CNTNAP4: variants seen among roughly 807,000 people sequenced by gnomAD.
CNTNAP4 encodes contactin associated protein family member 4.
CNTNAP4 carries 98 observed loss-of-function variants against 148.4 expected under a neutral mutation model. That is an observed-to-expected ratio of 0.66 (90% CI 0.56 to 0.78). CNTNAP4 has a LOEUF of 0.78. Ranked by LOEUF, CNTNAP4 falls within the 30% of genes least tolerant of loss-of-function variation. The pLI is 0.00. For synonymous variants in CNTNAP4, 730 were observed against 565.1 expected (o/e 1.29, Z -4.14); for missense variants, 1,935 against 1,565.6 (o/e 1.24, Z -3.98).
chr16:76,340,165 A>G (rs1290828677), intron 2 of CNTNAP4, among the ~76,000 whole-genome samples: 1 of 152,126 alleles, frequency 6.6e-6, no homozygotes, highest in Non-Finnish European at 1.5e-5. Flanking sequence ...TACCAAAACA[A>G]CTCTGGAAAC....
At chr16:76,445,956 T>C (rs1254422826) in intron 4 of CNTNAP4, among the ~76,000 whole-genome samples, 1 of 152,228 alleles carries the variant, frequency 6.6e-6, no homozygotes, top group Non-Finnish European at 1.5e-5. Context: ...AGTTGTATTT[T>C]TCCCATGCGC....
At chr16:76,450,316 T>C (rs1285205123) in intron 7 of CNTNAP4, among the ~76,000 whole-genome samples, 1 of 152,056 alleles carries the variant, frequency 6.6e-6, no homozygotes, top group Admixed American at 6.6e-5. Flanking sequence ...ACCTGGCTAA[T>C]TTTTTGTATA....
intron 17 of CNTNAP4, among the ~76,000 whole-genome samples, chr16:76,523,295 A>C (rs2083569572): frequency 6.8e-6 from 1 of 147,948 alleles, no homozygotes; most frequent in South Asian, 2.2e-4. Flanking sequence ...AAAGAAAAGA[A>C]AACAAAACAG....
chr16:76,520,003 T>A (rs2083395759), intron 15 of CNTNAP4, among the ~76,000 whole-genome samples: 2 of 152,216 alleles, frequency 1.3e-5, no homozygotes, highest in Admixed American at 1.3e-4. Flanking sequence ...CATAACAAAC[T>A]GTTGTTTTGA....
intron 10 of CNTNAP4, among the ~76,000 whole-genome samples, chr16:76,470,275 G>T (rs2081316663): frequency 6.6e-6 from 1 of 151,840 alleles, no homozygotes; most frequent in South Asian, 2.1e-4. Flanking sequence ...TTAACATTTG[G>T]GGTGGTTAGT....
chr16:76,442,708 G>C (rs1196083276), intron 4 of CNTNAP4, among the ~76,000 whole-genome samples: 4 of 152,008 alleles, frequency 2.6e-5, no homozygotes, highest in Non-Finnish European at 5.9e-5. Flanking sequence ...TGAGAGAAGG[G>C]ATTCACTCAC....
At chr16:76,423,505 A>T (rs988633325) in intron 3 of CNTNAP4, among the ~76,000 whole-genome samples, 1 of 152,188 alleles carries the variant, frequency 6.6e-6, no homozygotes, top group Admixed American at 6.5e-5. Flanking sequence ...ATTATTTTTG[A>T]AAAAAGATAA....
intron 3 of CNTNAP4, among the ~76,000 whole-genome samples, chr16:76,360,364 T>C (rs1047886732): frequency 3.9e-5 from 6 of 152,206 alleles, no homozygotes; most frequent in Admixed American, 6.5e-5. Flanking sequence ...CACATGCATT[T>C]GTTTTAAGTC....
At chr16:76,487,175 C>T (rs753963563) in intron 12 of CNTNAP4, among the ~76,000 whole-genome samples, 21 of 152,242 alleles carry the variant, frequency 1.4e-4, no homozygotes, top group East Asian at 5.8e-4. Context: ...CTCAAAGCAA[C>T]GAACATGTCA....
intron 21 of CNTNAP4, among the ~76,000 whole-genome samples, chr16:76,542,284 T>C (rs893735069): frequency 6.6e-6 from 1 of 152,226 alleles, no homozygotes; most frequent in Non-Finnish European, 1.5e-5. Context: ...TAGGAGACTA[T>C]TCAGCTCTGG....
At chr16:76,552,467 G>A (rs1597145960) in intron 21 of CNTNAP4, among the ~76,000 whole-genome samples, 1 of 152,178 alleles carries the variant, frequency 6.6e-6, no homozygotes, top group Non-Finnish European at 1.5e-5. Flanking sequence ...TAAGCAAGGA[G>A]TATGTATAAT....
chr16:76,317,890 A>G (rs148323313), intron 2 of CNTNAP4, among the ~76,000 whole-genome samples: 48 of 152,332 alleles, frequency 3.2e-4, no homozygotes, highest in African/African-American at 1.1e-3. Context: ...CTGAATGTGA[A>G]GGTATCAGTG....
At chr16:76,391,096 C>T (rs944025240) in intron 3 of CNTNAP4, among the ~76,000 whole-genome samples, 2 of 152,036 alleles carry the variant, frequency 1.3e-5, no homozygotes, top group Non-Finnish European at 1.5e-5. Context: ...AATAGTAGGT[C>T]GTATTCTTTC....
chr16:76,533,245 TA>T (rs1217920266), intron 17 of CNTNAP4, among the ~76,000 whole-genome samples: 1 of 152,102 alleles, frequency 6.6e-6, no homozygotes, highest in Non-Finnish European at 1.5e-5. Context: ...AACAGAAAGT[TA>T]AACACAGCAT....
chr16:76,324,911 T>G (rs536616394), intron 2 of CNTNAP4, among the ~76,000 whole-genome samples: 1 of 152,316 alleles, frequency 6.6e-6, no homozygotes, highest in Admixed American at 6.5e-5. Context: ...GCCATCACAC[T>G]GGGGATTAGG....
rs369989545 is a variant in CNTNAP4 at position 76,357,129 on chromosome 16, G to A, written c.390+1618G>A. Among the ~76,000 whole-genome samples the A allele has an allele frequency of 3.4e-4, 51 of 150,918 alleles. 5 individuals carry two copies. The highest frequency in any genetic ancestry group is 2.1e-3 in the Admixed American group (32 of 15,100). On this transcript the variant is annotated intron_variant, in intron 3 of 23. Coordinates refer to ENST00000611870, the MANE Select transcript of CNTNAP4 (RefSeq NM_033401.5). ...ATTACGTTCAACTAATTCCATGAAA[G>A]CCACTCAAACTAGGGATAAAATAAA...
At chr16:76,441,294 C>T (rs2080029506) in intron 4 of CNTNAP4, among the ~76,000 whole-genome samples, 1 of 152,030 alleles carries the variant, frequency 6.6e-6, no homozygotes, top group African/African-American at 2.4e-5. Flanking sequence ...ATACATGCTG[C>T]AGGAAAAAAG....
chr16:76,522,706 CTTT>C (rs1568497522), intron 17 of CNTNAP4, among the ~76,000 whole-genome samples: 7 of 18,638 alleles, frequency 3.8e-4, no homozygotes, highest in African/African-American at 2.0e-3. Context: ...CTTTTCTTTT[CTTT>C]TCTTTTCTTT....
At chr16:76,381,600 G>A (rs1001199040) in intron 3 of CNTNAP4, among the ~76,000 whole-genome samples, 2 of 152,152 alleles carry the variant, frequency 1.3e-5, no homozygotes, top group African/African-American at 4.8e-5. Flanking sequence ...GAATTAACAT[G>A]TGGTTTACCT....
Sources: gnomAD v4.1 joint callset for allele counts (sites outside exome capture counted in the v4.1 genomes callset) on GRCh38, gnomAD v4.1.1 for gene constraint, MANE v1.5 for transcripts, NCBI Gene and HGNC (gene_info 2026-07-23, HGNC 2026-07-21) for gene names.